FBXL7: variants seen among roughly 807,000 people sequenced by gnomAD.
FBXL7 encodes the protein F-box/LRR-repeat protein 7.
A neutral mutation model predicts 38.3 loss-of-function variants in FBXL7; 12 were observed. The observed-to-expected ratio is 0.31, with a 90% CI of 0.20 to 0.51. The LOEUF is 0.51. Ranked by LOEUF, FBXL7 falls within the 20% of genes least tolerant of loss-of-function variation. The pLI, the probability that FBXL7 is intolerant of heterozygous loss-of-function variation, is 0.98. For synonymous variants in FBXL7, 297 were observed against 300.9 expected (o/e 0.99, Z 0.13); for missense variants, 567 against 676.4 (o/e 0.84, Z 1.79).
chr5:15,886,954 A>G (rs1740702584), intron 2 of FBXL7, among the ~76,000 whole-genome samples: 1 of 152,222 alleles, frequency 6.6e-6, no homozygotes, highest in Non-Finnish European at 1.5e-5. Flanking sequence ...CTCACCCGCA[A>G]TTACAAGGTG....
At chr5:15,849,787 C>A (rs1157306947) in intron 2 of FBXL7, among the ~76,000 whole-genome samples, 1 of 152,192 alleles carries the variant, frequency 6.6e-6, no homozygotes, top group Non-Finnish European at 1.5e-5. Context: ...ACTATTATGA[C>A]AGTTTACCCA....
chr5:15,565,582 A>G (rs927576283), intron 1 of FBXL7, among the ~76,000 whole-genome samples: 1 of 151,648 alleles, frequency 6.6e-6, no homozygotes, highest in Non-Finnish European at 1.5e-5. Flanking sequence ...CTTACAATAA[A>G]TCTTGCTCTC....
intron 2 of FBXL7, among the ~76,000 whole-genome samples, chr5:15,881,405 T>A (rs979841602): frequency 6.6e-6 from 1 of 152,224 alleles, no homozygotes; most frequent in Non-Finnish European, 1.5e-5. Flanking sequence ...TTATACCACA[T>A]TTTCTTTGTC....
intron 2 of FBXL7, among the ~76,000 whole-genome samples, chr5:15,708,041 A>C (rs1405463767): frequency 6.6e-6 from 1 of 152,098 alleles, no homozygotes; most frequent in African/African-American, 2.4e-5. Context: ...GCTGACAGCT[A>C]TTTTTATTTG....
chr5:15,624,163 A>G (rs887871361), intron 2 of FBXL7, among the ~76,000 whole-genome samples: 4 of 152,174 alleles, frequency 2.6e-5, no homozygotes, highest in Non-Finnish European at 1.5e-5. Context: ...CTAGAAATTG[A>G]CTTTAAATCC....
chr5:15,550,637 T>G (rs919516412), intron 1 of FBXL7, among the ~76,000 whole-genome samples: 11 of 152,198 alleles, frequency 7.2e-5, no homozygotes, highest in African/African-American at 2.7e-4. Context: ...CTTTGCAAAC[T>G]TCCTTATTTA....
At chr5:15,608,314 T>G (rs1462878243) in intron 1 of FBXL7, among the ~76,000 whole-genome samples, 1 of 152,098 alleles carries the variant, frequency 6.6e-6, no homozygotes, top group Non-Finnish European at 1.5e-5. Context: ...GTCCTCCCCA[T>G]TTTTGGTAGA....
chr5:15,789,347 A>T (rs1041149334), intron 2 of FBXL7, among the ~76,000 whole-genome samples: 1 of 152,142 alleles, frequency 6.6e-6, no homozygotes, highest in Non-Finnish European at 1.5e-5. Flanking sequence ...AGGGTGTTTG[A>T]TAGGTCCTTC....
chr5:15,913,860 A>C (rs1363349046), intron 2 of FBXL7, among the ~76,000 whole-genome samples: 2 of 152,180 alleles, frequency 1.3e-5, no homozygotes, highest in African/African-American at 2.4e-5. Context: ...AGGGAATTAG[A>C]AATACTGTCG....
At chr5:15,692,404 TA>T (rs1276658281) in intron 2 of FBXL7, among the ~76,000 whole-genome samples, 1 of 152,184 alleles carries the variant, frequency 6.6e-6, no homozygotes, top group African/African-American at 2.4e-5. Context: ...ACTTAAACAC[TA>T]ACATCTGCAG....
At chr5:15,820,337 G>T (rs1738135725) in intron 2 of FBXL7, among the ~76,000 whole-genome samples, 1 of 151,974 alleles carries the variant, frequency 6.6e-6, no homozygotes, top group Non-Finnish European at 1.5e-5. Context: ...TTTCCCTGGA[G>T]GGTCCTCCCA....
At chr5:15,524,734 C>G (rs10063929) in intron 1 of FBXL7, among the ~76,000 whole-genome samples, 1 of 152,172 alleles carries the variant, frequency 6.6e-6, no homozygotes, top group African/African-American at 2.4e-5. Flanking sequence ...ATGTGTTAGA[C>G]TCCATTTTAT....
chr5:15,639,679 T>C (rs1483320936), intron 2 of FBXL7, among the ~76,000 whole-genome samples: 1 of 151,924 alleles, frequency 6.6e-6, no homozygotes, highest in African/African-American at 2.4e-5. Flanking sequence ...GGAGATAAAA[T>C]GCTTCTCTTG....
At chr5:15,580,021 T>TC (rs1372781032) in intron 1 of FBXL7, among the ~76,000 whole-genome samples, 18 of 152,130 alleles carry the variant, frequency 1.2e-4, no homozygotes, top group East Asian at 1.9e-4. Flanking sequence ...AATGTTTGTG[T>TC]CCCCCCAATT....
intron 2 of FBXL7, among the ~76,000 whole-genome samples, chr5:15,675,192 G>C (rs142166470): frequency 2.0e-5 from 3 of 152,106 alleles, no homozygotes; most frequent in South Asian, 4.1e-4. Flanking sequence ...ATGTTTTATC[G>C]TACTCATATA....
intron 2 of FBXL7, among the ~76,000 whole-genome samples, chr5:15,774,436 A>G (rs1253423382): frequency 6.6e-6 from 1 of 152,176 alleles, no homozygotes; most frequent in Non-Finnish European, 1.5e-5. Flanking sequence ...ATATATATTG[A>G]TGTAGATATG....
chr5:15,511,200 A>G (rs1297504049), intron 1 of FBXL7, among the ~76,000 whole-genome samples: 2 of 152,262 alleles, frequency 1.3e-5, no homozygotes, highest in African/African-American at 2.4e-5. Flanking sequence ...TCCCTTTCCA[A>G]AAGAAAAATT....
At chr5:15,709,878 G>T (rs950213950) in intron 2 of FBXL7, among the ~76,000 whole-genome samples, 1 of 152,074 alleles carries the variant, frequency 6.6e-6, no homozygotes, top group African/African-American at 2.4e-5. Context: ...AGGTAAAAGG[G>T]GCCTAATTCC....
chr5:15,882,699 C>T (rs1193031489), intron 2 of FBXL7, among the ~76,000 whole-genome samples: 1 of 152,210 alleles, frequency 6.6e-6, no homozygotes, highest in Non-Finnish European at 1.5e-5. Flanking sequence ...ACCACAATCT[C>T]TTCTCAATCT....
Sources: gnomAD v4.1 joint callset for allele counts (sites outside exome capture counted in the v4.1 genomes callset) on GRCh38, gnomAD v4.1.1 for gene constraint, MANE v1.5 for transcripts, NCBI Gene and HGNC (gene_info 2026-07-23, HGNC 2026-07-21) for gene names.